The following S100A8 variants were observed in gnomAD, a reference collection of about 807,000 sequenced individuals.
S100A8 encodes the protein S100 calcium binding protein A8.
Under a neutral mutation model 4.2 loss-of-function variants are expected in S100A8, and 1 was observed. That is an observed-to-expected ratio of 0.24 (90% CI 0.08 to 1.12). The LOEUF (loss-of-function observed/expected upper bound fraction) is 1.12. Ranked by LOEUF, S100A8 falls within the 50% of genes most tolerant of loss-of-function variation. The pLI is 0.53. For missense variants in S100A8, 96 were observed against 111.8 expected (o/e 0.86, Z 0.64); for synonymous variants, 41 against 44.7 (o/e 0.92, Z 0.33).
chr1:153,395,644 C>T (rs775522720), upstream of S100A8, among the ~76,000 whole-genome samples: 13 of 152,190 alleles, frequency 8.5e-5, no homozygotes, highest in Non-Finnish European at 1.8e-4. Flanking sequence ...CCAGGGCCCT[C>T]GCCCCTTCCC....
At chr1:153,399,957 G>A in the S100A8 span, among the ~76,000 whole-genome samples, 1 of 152,080 alleles carries the variant, frequency 6.6e-6, no homozygotes, top group Non-Finnish European at 1.5e-5. Flanking sequence ...GGCTGGAGAG[G>A]CAGGAGGGAG....
chr1:153,419,348 A>C, the S100A8 span: 2 of 1,586,036 alleles, frequency 1.3e-6, no homozygotes, highest in African/African-American at 1.4e-5. Flanking sequence ...CCCCAGGAAC[A>C]ATAAGTGTCT....
chr1:153,418,443 A>T, the S100A8 span, among the ~76,000 whole-genome samples: 1 of 152,174 alleles, frequency 6.6e-6, no homozygotes, highest in African/African-American at 2.4e-5. Flanking sequence ...AGGTTATTAG[A>T]TGGTCAGCAA....
the S100A8 span, among the ~76,000 whole-genome samples, chr1:153,398,602 T>G: frequency 6.6e-6 from 1 of 152,174 alleles, no homozygotes; most frequent in South Asian, 2.1e-4. Context: ...ACTCCCCACT[T>G]CCTCTGGAGA....
the S100A8 span, among the ~76,000 whole-genome samples, chr1:153,403,925 C>T: frequency 6.6e-6 from 1 of 152,098 alleles, no homozygotes; most frequent in Non-Finnish European, 1.5e-5. Context: ...CAACACTGCC[C>T]CCACTGCAGA....
the S100A8 span, among the ~76,000 whole-genome samples, chr1:153,397,754 C>A: frequency 6.6e-6 from 1 of 152,290 alleles, no homozygotes; most frequent in South Asian, 2.1e-4. Context: ...TTCCTGTGAT[C>A]TTAACTGTTC....
the S100A8 span, among the ~76,000 whole-genome samples, chr1:153,414,941 G>C: frequency 6.6e-6 from 1 of 152,104 alleles, no homozygotes; most frequent in Non-Finnish European, 1.5e-5. Flanking sequence ...GCTCTTCACT[G>C]TCTCCAGTGT....
At chr1:153,391,283 G>A (rs1474440829), upstream of S100A8, 2 of 836,914 alleles carry the variant, frequency 2.4e-6, no homozygotes, top group African/African-American at 1.8e-5. Context: ...GGGCAATAGT[G>A]CCCAGAAGGA....
At chr1:153,398,948 T>G in the S100A8 span, among the ~76,000 whole-genome samples, 1 of 152,184 alleles carries the variant, frequency 6.6e-6, no homozygotes, top group Non-Finnish European at 1.5e-5. Context: ...TGGGCCACGA[T>G]TGTGCTGTTG....
chr1:153,422,149 C>T, the S100A8 span: 1 of 152,238 alleles, frequency 6.6e-6, no homozygotes, highest in Admixed American at 6.5e-5. Flanking sequence ...TGTGTCATTC[C>T]AAACTCACCA....
At chr1:153,417,862 C>A in the S100A8 span, 2 of 567,856 alleles carry the variant, frequency 3.5e-6, no homozygotes, top group Non-Finnish European at 6.0e-6. Flanking sequence ...CTCTTCTTGG[C>A]CCTGGCCAGG....
At chr1:153,396,379 C>A in the S100A8 span, among the ~76,000 whole-genome samples, 1 of 152,252 alleles carries the variant, frequency 6.6e-6, no homozygotes, top group African/African-American at 2.4e-5. Flanking sequence ...AAGCCCAGAA[C>A]CATATACTGA....
At chr1:153,398,071 G>A in the S100A8 span, among the ~76,000 whole-genome samples, 1 of 152,326 alleles carries the variant, frequency 6.6e-6, no homozygotes, top group Non-Finnish European at 1.5e-5. Flanking sequence ...CAAGGCTGGG[G>A]AGATGGGAAG....
At chr1:153,418,247 A>G in the S100A8 span, 2 of 1,613,632 alleles carry the variant, frequency 1.2e-6, no homozygotes, top group Non-Finnish European at 1.7e-6. Context: ...TAGCTTCTCA[A>G]TGTTGGTTGG....
At chr1:153,409,979 A>G in the S100A8 span, among the ~76,000 whole-genome samples, 1 of 152,262 alleles carries the variant, frequency 6.6e-6, no homozygotes, top group African/African-American at 2.4e-5. Context: ...CATTCAAAGC[A>G]GTCTGTAGAG....
At chr1:153,402,528 G>C in the S100A8 span, among the ~76,000 whole-genome samples, 1 of 152,164 alleles carries the variant, frequency 6.6e-6, no homozygotes, top group African/African-American at 2.4e-5. Context: ...TGTAAATGGA[G>C]CCCAGAAAGA....
chr1:153,410,736 A>G, the S100A8 span, among the ~76,000 whole-genome samples: 144 of 152,342 alleles, frequency 9.5e-4, no homozygotes, highest in African/African-American at 3.3e-3. Context: ...ATCCTCAATA[A>G]AATACTGGCA....
intron 2 of S100A8, 69 bp from the exon 3 acceptor site, chr1:153,390,312 T>C (rs41264638): frequency 0.23 from 373,815 of 1,601,732 alleles, 48,759 homozygotes; most frequent in Non-Finnish European, 0.27. Context: ...TAGCCATCTA[T>C]GAAGGGTGGC....
chr1:153,412,276 C>A, the S100A8 span, among the ~76,000 whole-genome samples: 2 of 152,074 alleles, frequency 1.3e-5, no homozygotes, highest in African/African-American at 2.4e-5. Flanking sequence ...TGAACTCAAA[C>A]AAATTTACAA....
Sources: allele counts gnomAD v4.1 joint callset (sites outside exome capture counted in the v4.1 genomes callset), GRCh38; gene constraint gnomAD v4.1.1; transcripts MANE v1.5; gene names NCBI Gene and HGNC (gene_info 2026-07-23, HGNC 2026-07-21).